CADM1: variants seen among roughly 807,000 people sequenced by gnomAD.
The protein encoded by CADM1 is TSLC-1.
In CADM1, 15 loss-of-function variants were observed where a neutral mutation model predicts 53.1. The ratio of observed to expected loss-of-function variants is 0.28; its 90% confidence interval spans 0.19 to 0.44. The LOEUF (loss-of-function observed/expected upper bound fraction) is 0.44, where lower values mean the gene tolerates loss of function less well. Ranked by LOEUF, CADM1 falls within the 20% of genes least tolerant of loss-of-function variation. CADM1 has a pLI of 1.00. For missense variants in CADM1, 434 were observed against 611.3 expected (o/e 0.71, Z 3.06); for synonymous variants, 281 against 243.0 (o/e 1.16, Z -1.45).
chr11:115,434,101 G>C (rs1948123043), intron 1 of CADM1, among the ~76,000 whole-genome samples: 1 of 152,170 alleles, frequency 6.6e-6, no homozygotes, highest in African/African-American at 2.4e-5. Flanking sequence ...GGAAGTTCAT[G>C]AGCTTCATGA....
chr11:115,340,453 T>C (rs1211701666), intron 1 of CADM1, among the ~76,000 whole-genome samples: 2 of 147,146 alleles, frequency 1.4e-5, no homozygotes, highest in Admixed American at 6.8e-5. Context: ...ATGCTAAGAG[T>C]TTTTAATGAT....
chr11:115,454,633 C>T (rs980795032), intron 1 of CADM1, among the ~76,000 whole-genome samples: 1 of 152,170 alleles, frequency 6.6e-6, no homozygotes, highest in African/African-American at 2.4e-5. Context: ...AAGCTACTGG[C>T]AAAATGGCAA....
At chr11:115,218,421 C>T (rs1941275667) in intron 5 of CADM1, among the ~76,000 whole-genome samples, 1 of 152,092 alleles carries the variant, frequency 6.6e-6, no homozygotes, top group East Asian at 1.9e-4. Flanking sequence ...AATAAATTTG[C>T]CTCTTCTATG....
chr11:115,474,290 CAAAAAA>C (rs60168853), intron 1 of CADM1, among the ~76,000 whole-genome samples: 12 of 20,214 alleles, frequency 5.9e-4, no homozygotes, highest in African/African-American at 1.4e-3. Flanking sequence ...GACTCCATCT[CAAAAAA>C]AAAAAAAAAA....
chr11:115,221,265 T>C (rs1050095209), intron 5 of CADM1, among the ~76,000 whole-genome samples: 1 of 152,194 alleles, frequency 6.6e-6, no homozygotes, highest in Admixed American at 6.5e-5. Context: ...CATGGCATCA[T>C]CAACAGCCAA....
chr11:115,419,059 T>C (rs1034144232), intron 1 of CADM1, among the ~76,000 whole-genome samples: 2 of 152,222 alleles, frequency 1.3e-5, no homozygotes, highest in African/African-American at 4.8e-5. Context: ...GGAGAAAATG[T>C]AAATGTATTC....
At chr11:115,317,142 G>A (rs1253971093) in intron 1 of CADM1, among the ~76,000 whole-genome samples, 1 of 152,160 alleles carries the variant, frequency 6.6e-6, no homozygotes, top group Non-Finnish European at 1.5e-5. Flanking sequence ...GATCAGATAA[G>A]CATCTAGGTC....
intron 5 of CADM1, among the ~76,000 whole-genome samples, chr11:115,219,478 G>C (rs1337976198): frequency 6.6e-6 from 1 of 152,136 alleles, no homozygotes; most frequent in Non-Finnish European, 1.5e-5. Context: ...TTTCTGAGAA[G>C]CTAAGTCTCT....
At chr11:115,282,033 A>G (rs758626395) in intron 1 of CADM1, among the ~76,000 whole-genome samples, 1 of 152,170 alleles carries the variant, frequency 6.6e-6, no homozygotes, top group African/African-American at 2.4e-5. Context: ...TTTTATTGAA[A>G]ATGTTTGTCT....
At chr11:115,473,083 C>A (rs771173111) in intron 1 of CADM1, among the ~76,000 whole-genome samples, 21 of 152,148 alleles carry the variant, frequency 1.4e-4, no homozygotes, top group Non-Finnish European at 3.1e-4. Context: ...AGTATTAATG[C>A]AATCATTTGC....
intron 9 of CADM1, 166 bp from the exon 10 acceptor site, chr11:115,191,107 G>C: frequency 1.6e-6 from 1 of 622,602 alleles, no homozygotes; most frequent in Non-Finnish European, 2.8e-6. Flanking sequence ...CTTCAATTAT[G>C]TAATTTTGTT....
At chr11:115,255,439 C>T (rs569681105) in intron 1 of CADM1, among the ~76,000 whole-genome samples, 3 of 152,256 alleles carry the variant, frequency 2.0e-5, no homozygotes, top group South Asian at 2.1e-4. Context: ...CAAACTCACA[C>T]GAGACCTACT....
At chr11:115,195,457 T>C (rs1249422695) in intron 9 of CADM1, among the ~76,000 whole-genome samples, 4 of 152,198 alleles carry the variant, frequency 2.6e-5, no homozygotes, top group Admixed American at 2.6e-4. Context: ...TAGAAGGAAA[T>C]CCAGTATGAA....
intron 1 of CADM1, among the ~76,000 whole-genome samples, chr11:115,263,368 G>T (rs1943034840): frequency 6.6e-6 from 1 of 152,186 alleles, no homozygotes; most frequent in African/African-American, 2.4e-5. Flanking sequence ...ACCACCAGAG[G>T]AATTAATAAA....
At chr11:115,425,201 G>T (rs573124061) in intron 1 of CADM1, among the ~76,000 whole-genome samples, 1 of 152,290 alleles carries the variant, frequency 6.6e-6, no homozygotes, top group Non-Finnish European at 1.5e-5. Flanking sequence ...GATTCTGTCC[G>T]CTCTTTTATT....
intron 3 of CADM1, among the ~76,000 whole-genome samples, chr11:115,232,074 T>A (rs1407981656): frequency 6.6e-6 from 1 of 152,066 alleles, no homozygotes; most frequent in Non-Finnish European, 1.5e-5. Context: ...TATATCAATA[T>A]AGATATTAGT....
intron 5 of CADM1, among the ~76,000 whole-genome samples, chr11:115,224,955 A>G (rs1219029468): frequency 2.0e-5 from 3 of 152,174 alleles, no homozygotes; most frequent in Non-Finnish European, 4.4e-5. Flanking sequence ...AATGCACTGA[A>G]AGATTTTAGG....
chr11:115,376,782 A>T (rs980105626), intron 1 of CADM1, among the ~76,000 whole-genome samples: 3 of 152,184 alleles, frequency 2.0e-5, no homozygotes, highest in African/African-American at 7.2e-5. Flanking sequence ...CTGAGTACAA[A>T]GAAATAGTGC....
intron 1 of CADM1, among the ~76,000 whole-genome samples, chr11:115,329,717 TC>T (rs1331970794): frequency 5.9e-5 from 9 of 152,098 alleles, no homozygotes; most frequent in Admixed American, 4.6e-4. Flanking sequence ...TTGTCCAGTG[TC>T]CAAGAAGAAT....
Sources: allele counts gnomAD v4.1 joint callset (sites outside exome capture counted in the v4.1 genomes callset), GRCh38; gene constraint gnomAD v4.1.1; transcripts MANE v1.5; gene names NCBI Gene and HGNC (gene_info 2026-07-23, HGNC 2026-07-21).